Variants in SLC71A2 observed in about 807,000 individuals in gnomAD.
SLC71A2 encodes the protein hippocampus abundant transcript-like 1.
the SLC71A2 span, among the ~76,000 whole-genome samples, chr9:94,386,950 TA>T: frequency 6.6e-6 from 1 of 152,206 alleles, no homozygotes; most frequent in East Asian, 1.9e-4. Flanking sequence ...ACTATCCATT[TA>T]TATTAATTTT....
the SLC71A2 span, among the ~76,000 whole-genome samples, chr9:94,386,234 A>G: frequency 1.4e-5 from 2 of 139,756 alleles, no homozygotes; most frequent in African/African-American, 5.2e-5. Flanking sequence ...AAATGAAATC[A>G]CTTTCTTAAT....
At chr9:94,451,668 C>G in the SLC71A2 span, 1 of 473,452 alleles carries the variant, frequency 2.1e-6, no homozygotes, top group Non-Finnish European at 3.7e-6. Context: ...ATGGTAAGGT[C>G]TTGCAAGCTA....
At chr9:94,421,360 T>G in the SLC71A2 span, among the ~76,000 whole-genome samples, 2 of 152,208 alleles carry the variant, frequency 1.3e-5, no homozygotes, top group Non-Finnish European at 2.9e-5. Flanking sequence ...GAAACAATCC[T>G]AAGTAATTTC....
chr9:94,454,993 G>A, the SLC71A2 span, among the ~76,000 whole-genome samples: 28,855 of 151,788 alleles, frequency 0.19, 2,907 homozygotes, highest in Middle Eastern at 0.28. Context: ...ATGCAGAAAT[G>A]CCTTCTCCAT....
the SLC71A2 span, chr9:94,459,346 G>GC: frequency 1.9e-6 from 3 of 1,614,110 alleles, no homozygotes; most frequent in Non-Finnish European, 2.5e-6. Context: ...AGCCACTACT[G>GC]CAAGACAGCA....
chr9:94,388,470 C>T, the SLC71A2 span, among the ~76,000 whole-genome samples: 2 of 152,130 alleles, frequency 1.3e-5, no homozygotes, highest in Non-Finnish European at 2.9e-5. Context: ...TATGTATGTA[C>T]TAATTGTATA....
the SLC71A2 span, among the ~76,000 whole-genome samples, chr9:94,396,839 C>T: frequency 9.2e-5 from 14 of 152,172 alleles, no homozygotes; most frequent in Admixed American, 2.0e-4. Flanking sequence ...GGCAGGATCT[C>T]GGCTTACCAC....
At chr9:94,404,234 C>T in the SLC71A2 span, among the ~76,000 whole-genome samples, 53 of 152,250 alleles carry the variant, frequency 3.5e-4, no homozygotes, top group Non-Finnish European at 6.3e-4. Context: ...GTGGTGATAC[C>T]TCATGGTTTT....
At chr9:94,440,741 G>A in the SLC71A2 span, among the ~76,000 whole-genome samples, 4 of 151,614 alleles carry the variant, frequency 2.6e-5, no homozygotes, top group Non-Finnish European at 5.9e-5. Flanking sequence ...CTTATTCTTT[G>A]TTTTTCCTCT....
chr9:94,449,533 CAAT>C, the SLC71A2 span, among the ~76,000 whole-genome samples: 12 of 152,184 alleles, frequency 7.9e-5, no homozygotes, highest in Non-Finnish European at 1.3e-4. Flanking sequence ...GTCACACCAA[CAAT>C]GAGATAACCA....
the SLC71A2 span, among the ~76,000 whole-genome samples, chr9:94,413,957 G>C: frequency 2.0e-5 from 3 of 152,212 alleles, no homozygotes; most frequent in South Asian, 6.2e-4. Context: ...GTGGCAGGAA[G>C]ATATTTCTCC....
the SLC71A2 span, among the ~76,000 whole-genome samples, chr9:94,414,279 G>A: frequency 6.6e-6 from 1 of 152,170 alleles, no homozygotes; most frequent in East Asian, 1.9e-4. Flanking sequence ...GAGGGGACAG[G>A]GAAAACGAGT....
the SLC71A2 span, among the ~76,000 whole-genome samples, chr9:94,435,933 G>C: frequency 4.7e-4 from 72 of 152,076 alleles, no homozygotes; most frequent in African/African-American, 1.7e-3. Context: ...TTACAGGCGT[G>C]AGCCACCATA....
the SLC71A2 span, chr9:94,446,876 G>A: frequency 1.2e-6 from 2 of 1,613,040 alleles, no homozygotes; most frequent in Non-Finnish European, 1.7e-6. Context: ...GCATCACCGT[G>A]TTTCTTTCAT....
chr9:94,405,446 C>T, the SLC71A2 span, among the ~76,000 whole-genome samples: 44 of 143,948 alleles, frequency 3.1e-4, 1 homozygote, highest in East Asian at 7.0e-3. Flanking sequence ...TTGCAGTGAG[C>T]GGAAATCGTG....
the SLC71A2 span, among the ~76,000 whole-genome samples, chr9:94,385,618 C>T: frequency 2.2e-4 from 34 of 152,180 alleles, no homozygotes; most frequent in Admixed American, 5.9e-4. Context: ...AGCATTTGTT[C>T]AAGAGACCAT....
the SLC71A2 span, among the ~76,000 whole-genome samples, chr9:94,450,507 T>TTTTTTTTTTTTTTTTTTTTTCC: frequency 4.4e-5 from 6 of 137,310 alleles, no homozygotes; most frequent in African/African-American, 8.9e-5. Flanking sequence ...TTTTTTTTTT[T>TTTTTTTTTTTTTTTTTTTTTCC]GAGATGGAGT....
chr9:94,395,692 A>G, the SLC71A2 span, among the ~76,000 whole-genome samples: 1 of 152,106 alleles, frequency 6.6e-6, no homozygotes, highest in Non-Finnish European at 1.5e-5. Flanking sequence ...AAGCCCTCCC[A>G]CATGTCTTCC....
the SLC71A2 span, among the ~76,000 whole-genome samples, chr9:94,456,516 T>TA: frequency 1.3e-5 from 2 of 152,362 alleles, no homozygotes; most frequent in East Asian, 3.9e-4. Context: ...GCTTTGATCT[T>TA]ACACTTATAT....
Sources: allele counts gnomAD v4.1 joint callset (sites outside exome capture counted in the v4.1 genomes callset), GRCh38; gene constraint gnomAD v4.1.1; transcripts MANE v1.5; gene names NCBI Gene and HGNC (gene_info 2026-07-23, HGNC 2026-07-21).